Variants in SMARCAD1 observed in about 807,000 individuals in gnomAD.
SMARCAD1 encodes SWI/SNF-related matrix-associated actin-dependent regulator of chromatin subfamily A containing DEAD/H box 1.
A neutral mutation model predicts 127.1 loss-of-function variants in SMARCAD1; 25 were observed. The observed-to-expected ratio is 0.20, with a 90% confidence interval of 0.14 to 0.27. The LOEUF (loss-of-function observed/expected upper bound fraction) is 0.27, where lower values mean the gene tolerates loss of function less well. Among genes scored for constraint, SMARCAD1 ranks in the 10% least tolerant of loss-of-function variants. SMARCAD1 has a pLI of 1.00. For synonymous variants in SMARCAD1, 400 were observed against 396.9 expected, an observed-to-expected ratio of 1.01 and a Z score of -0.09; for missense variants, 807 against 1,206.0, an observed-to-expected ratio of 0.67 and a Z score of 4.90.
chr4:94,284,437 C>A lies in SMARCAD1; in HGVS notation c.2910-523C>A, dbSNP rs558175933. Among the ~76,000 whole-genome samples the A allele has an allele frequency of 2.6e-5, 4 of 151,536 alleles. No individual in the cohort carries two copies. The East Asian group carries it at 7.8e-4, about 29-fold the overall frequency. ...TTGTTTTGTTTTTGAGACAGAGCCT[C>A]ACTCTGGCTGGAGTGCAGTGGCACC... On this transcript the variant is annotated intron_variant, in intron 22 of 23. Transcript: ENST00000354268.
At chr4:94,257,372 T>G (rs1316122251) in intron 9 of SMARCAD1, among the ~76,000 whole-genome samples, 1 of 152,220 alleles carries the variant, frequency 6.6e-6, no homozygotes, top group East Asian at 1.9e-4. Context: ...CTTCATACCA[T>G]GTAAGCAGGA....
intron 6 of SMARCAD1, among the ~76,000 whole-genome samples, chr4:94,244,081 G>C (rs957718071): frequency 1.3e-5 from 2 of 152,194 alleles, no homozygotes; most frequent in Non-Finnish European, 2.9e-5. Context: ...GTGCTGGAAA[G>C]TCCATAAGAA....
intron 2 of SMARCAD1, among the ~76,000 whole-genome samples, chr4:94,209,374 G>A (rs189970360): frequency 2.6e-5 from 4 of 152,312 alleles, no homozygotes. Context: ...ACTTGGTAGA[G>A]CCTGAACTCA....
intron 6 of SMARCAD1, among the ~76,000 whole-genome samples, chr4:94,245,468 C>T (rs935823150): frequency 6.6e-6 from 1 of 152,172 alleles, no homozygotes; most frequent in Non-Finnish European, 1.5e-5. Context: ...GTACAGGCAG[C>T]TTTAGTGTAA....
At chr4:94,247,315 A>G (rs1469292523) in intron 6 of SMARCAD1, among the ~76,000 whole-genome samples, 1 of 152,150 alleles carries the variant, frequency 6.6e-6, no homozygotes, top group African/African-American at 2.4e-5. Context: ...GCTGAGACAG[A>G]TACAGTCCCA....
chr4:94,282,317 C>T (rs565964826), intron 21 of SMARCAD1, among the ~76,000 whole-genome samples: 5 of 150,370 alleles, frequency 3.3e-5, no homozygotes, highest in South Asian at 2.1e-4. Context: ...AGGATGGTCT[C>T]GATCTCCTGA....
chr4:94,273,371 G>A (rs1560560022), intron 11 of SMARCAD1, among the ~76,000 whole-genome samples: 1 of 152,132 alleles, frequency 6.6e-6, no homozygotes, highest in Non-Finnish European at 1.5e-5. Context: ...ATATTAATGT[G>A]TATTGTATAT....
At chr4:94,215,428 T>G (rs1448067246) in intron 2 of SMARCAD1, among the ~76,000 whole-genome samples, 1 of 151,934 alleles carries the variant, frequency 6.6e-6, no homozygotes, top group Non-Finnish European at 1.5e-5. Context: ...CAAGACCAGC[T>G]TGGGCAATGT....
chr4:94,270,717 C>G lies in SMARCAD1; in HGVS notation c.1482-11C>G, dbSNP rs369516918. ...TAGATGTGTAATATTTGGTAACTCTCTCTTTACCAGTTTGTCACTCAAGCC... is the reference window on the plus strand; with the variant it reads ...TAGATGTGTAATATTTGGTAACTCTGTCTTTACCAGTTTGTCACTCAAGCC... On this transcript the variant is annotated splice_polypyrimidine_tract_variant and intron_variant, in intron 10 of 23. Transcript: ENST00000354268. The G allele has an allele frequency of 5.6e-6, 9 of 1,606,912 alleles. No individual in the cohort carries two copies. Among genetic ancestry groups the G allele is most frequent in the Non-Finnish European group, 6.8e-6 (8 of 1,173,850 alleles).
In SMARCAD1 at chr4:94,207,893, G is replaced by C. The variant is rs1741441031; in HGVS notation, c.-227G>C. On this transcript the variant is annotated 5_prime_UTR_variant, in exon 1 of 24. Coordinates refer to ENST00000354268, the MANE Select transcript of SMARCAD1 (RefSeq NM_020159.5). ...TCAACTTCCGGGCGGATGCCCGCCA[G>C]CACGGCCTCCGCCGCTCCCCTTCTT... The C allele has an allele frequency of 3.0e-6, 1 of 333,478 alleles. No homozygotes were observed. Among genetic ancestry groups the C allele is most frequent in the Non-Finnish European group, 5.9e-6 (1 of 170,540 alleles). The allele number at this position is 333,478 out of a possible 1,614,324, so 20.7% of individuals were successfully genotyped here. A position where few individuals can be genotyped will look rare whatever the true frequency, so the allele number is the denominator to read the frequency against.
intron 9 of SMARCAD1, among the ~76,000 whole-genome samples, chr4:94,257,024 A>G (rs1243216410): frequency 6.6e-6 from 1 of 152,192 alleles, no homozygotes; most frequent in Non-Finnish European, 1.5e-5. Context: ...CTGTACAGTA[A>G]GAGTGACACA....
At chr4:94,263,017 A>G (rs1183718388) in intron 9 of SMARCAD1, among the ~76,000 whole-genome samples, 2 of 151,974 alleles carry the variant, frequency 1.3e-5, no homozygotes, top group Admixed American at 1.3e-4. Context: ...TGAAAAGGGC[A>G]TGGAATTTTT....
chr4:94,234,871 A>G (rs2125862402), intron 4 of SMARCAD1, among the ~76,000 whole-genome samples: 1 of 152,280 alleles, frequency 6.6e-6, no homozygotes, highest in Non-Finnish European at 1.5e-5. Context: ...TGTATGGACT[A>G]GGCAGGTAAC....
At position 94,290,131 on chromosome 4, in the gene SMARCAD1, C is replaced by T. The variant is rs768526431; in HGVS notation, c.*597C>T. ...ATCCCCCAGGTCCTCTCAAGTACTT[C>T]TGCTGAAACAAATTTATTTGGCTAG... is the stretch of plus-strand genomic sequence containing the variant. On this transcript the variant is annotated 3_prime_UTR_variant, in exon 24 of 24. Coordinates refer to ENST00000354268, the MANE Select transcript of SMARCAD1 (RefSeq NM_020159.5). 1 of 454,394 alleles carries T rather than the reference C, an allele frequency of 2.2e-6. No individual in the cohort carries two copies. Among genetic ancestry groups the T allele is most frequent in the African/African-American group, 2.0e-5 (1 of 50,004 alleles). 28.1% of individuals were successfully genotyped at this position (454,394 alleles called of 1,614,324 possible).
intron 22 of SMARCAD1, 41 bp from the exon 23 acceptor site, chr4:94,284,914 TAACTA>T (rs1331209702): frequency 8.9e-7 from 1 of 1,121,410 alleles, no homozygotes; most frequent in Non-Finnish European, 1.4e-6. Context: ...TATATCCAAA[TAACTA>T]TATTTAGTAA....
chr4:94,254,963 A>G (rs553044061), intron 9 of SMARCAD1, among the ~76,000 whole-genome samples: 1 of 150,980 alleles, frequency 6.6e-6, no homozygotes, highest in South Asian at 2.1e-4. Flanking sequence ...AAATTATCAA[A>G]AGTCAATATT....
intron 2 of SMARCAD1, among the ~76,000 whole-genome samples, chr4:94,214,123 A>G (rs932724642): frequency 6.6e-6 from 1 of 152,150 alleles, no homozygotes; most frequent in African/African-American, 2.4e-5. Context: ...AAAAGTAACT[A>G]CTAACCTTTA....
chr4:94,255,042 T>C (rs1322019007), intron 9 of SMARCAD1, among the ~76,000 whole-genome samples: 1 of 152,092 alleles, frequency 6.6e-6, no homozygotes, highest in Non-Finnish European at 1.5e-5. Context: ...TTTGATAATG[T>C]ACCTCTAAAC....
intron 7 of SMARCAD1, 59 bp from the exon 8 acceptor site, chr4:94,250,693 G>T: frequency 8.4e-7 from 1 of 1,185,788 alleles, no homozygotes; most frequent in Non-Finnish European, 1.2e-6. Flanking sequence ...GAGCATAGAC[G>T]TTTTCTGCAA....
Sources: allele counts gnomAD v4.1 joint callset (sites outside exome capture counted in the v4.1 genomes callset), GRCh38; gene constraint gnomAD v4.1.1; transcripts MANE v1.5; gene names NCBI Gene and HGNC (gene_info 2026-07-23, HGNC 2026-07-21).